ST8SIA1: variants seen among roughly 807,000 people sequenced by gnomAD.
ST8SIA1 encodes the protein alpha-N-acetylneuraminide alpha-2,8-sialyltransferase.
ST8SIA1 carries 16 observed loss-of-function variants against 35.9 expected under a neutral mutation model. The observed-to-expected ratio is 0.45, with a 90% CI of 0.30 to 0.68. The LOEUF is 0.68. Among genes scored for constraint, ST8SIA1 ranks in the 30% least tolerant of loss-of-function variants. ST8SIA1 has a pLI of 0.09. For missense variants in ST8SIA1, 383 were observed against 453.6 expected (o/e 0.84, Z 1.41); for synonymous variants, 170 against 169.6 (o/e 1.00, Z -0.02).
At chr12:22,217,524 C>G (rs1020110219) in intron 4 of ST8SIA1, among the ~76,000 whole-genome samples, 1 of 152,096 alleles carries the variant, frequency 6.6e-6, no homozygotes, top group Non-Finnish European at 1.5e-5. Flanking sequence ...TTTTGAGAAG[C>G]CTGTATGTCC....
chr12:22,330,007 T>C (rs1266142863), intron 1 of ST8SIA1, among the ~76,000 whole-genome samples: 2 of 152,216 alleles, frequency 1.3e-5, no homozygotes, highest in Admixed American at 1.3e-4. Flanking sequence ...GGCTTCGTCC[T>C]ACCACCCAGC....
chr12:22,263,354 T>C (rs1048978477), intron 2 of ST8SIA1, among the ~76,000 whole-genome samples: 2 of 152,214 alleles, frequency 1.3e-5, no homozygotes, highest in African/African-American at 2.4e-5. Flanking sequence ...ACTTTGCTTG[T>C]GATCATTCTT....
At chr12:22,242,738 A>G (rs1340965779) in intron 4 of ST8SIA1, among the ~76,000 whole-genome samples, 1 of 152,200 alleles carries the variant, frequency 6.6e-6, no homozygotes, top group Non-Finnish European at 1.5e-5. Flanking sequence ...AAGGGTAATG[A>G]TATGTATGAA....
In ST8SIA1 at chr12:22,198,886, C is replaced by A. The variant is rs1441712695; in HGVS notation, c.*2666G>T. On this transcript the variant is annotated 3_prime_UTR_variant, in exon 5 of 5. Transcript: ENST00000396037. ...ACCTCTACTAAGTACATGCTATTAGCACCCTTGAGTCATGAAAATAAAAAA... is the reference window on the plus strand; with the variant it reads ...ACCTCTACTAAGTACATGCTATTAGAACCCTTGAGTCATGAAAATAAAAAA... The A allele has an allele frequency of 1.3e-5, 2 of 152,112 alleles. No individual in the cohort carries two copies. Among genetic ancestry groups the A allele is most frequent in the Non-Finnish European group, 2.9e-5 (2 of 68,034 alleles). 9.4% of individuals were successfully genotyped at this position (152,112 alleles called of 1,614,324 possible).
intron 4 of ST8SIA1, among the ~76,000 whole-genome samples, chr12:22,237,367 G>A (rs1459070623): frequency 6.6e-6 from 1 of 152,096 alleles, no homozygotes; most frequent in Non-Finnish European, 1.5e-5. Context: ...ACCTCCCAAA[G>A]AGCTGGGATT....
At chr12:22,248,807 T>A in intron 4 of ST8SIA1, 199 bp downstream of exon 4, 1 of 508,554 alleles carries the variant, frequency 2.0e-6, no homozygotes, top group East Asian at 3.1e-5. Context: ...AGAAACAGAA[T>A]CCCAGAGGAA....
At chr12:22,203,783 G>A (rs1038491357) in intron 4 of ST8SIA1, among the ~76,000 whole-genome samples, 1 of 152,174 alleles carries the variant, frequency 6.6e-6, no homozygotes, top group Non-Finnish European at 1.5e-5. Context: ...CTTCTAATAT[G>A]GGTGGCACTA....
At chr12:22,286,879 A>G (rs1253193313) in intron 2 of ST8SIA1, among the ~76,000 whole-genome samples, 1 of 152,162 alleles carries the variant, frequency 6.6e-6, no homozygotes, top group Non-Finnish European at 1.5e-5. Context: ...CAAGTCCCTG[A>G]TCATTCATTT....
At chr12:22,302,046 C>T (rs901207912) in intron 1 of ST8SIA1, among the ~76,000 whole-genome samples, 1 of 152,106 alleles carries the variant, frequency 6.6e-6, no homozygotes, top group Non-Finnish European at 1.5e-5. Context: ...TCAGTCCTAC[C>T]ATGATTTGTC....
At chr12:22,247,446 T>A (rs564378362) in intron 4 of ST8SIA1, among the ~76,000 whole-genome samples, 1 of 152,040 alleles carries the variant, frequency 6.6e-6, no homozygotes, top group South Asian at 2.1e-4. Context: ...TAAAAATAAA[T>A]TGTTTTAATA....
intron 4 of ST8SIA1, among the ~76,000 whole-genome samples, chr12:22,229,615 CAAA>C (rs11290260): frequency 9.1e-4 from 85 of 93,736 alleles, no homozygotes; most frequent in African/African-American, 2.1e-3. Context: ...GACCGGGTTT[CAAA>C]AAAAAAAAAA....
intron 1 of ST8SIA1, among the ~76,000 whole-genome samples, chr12:22,321,142 G>C (rs1406350256): frequency 3.3e-5 from 5 of 152,226 alleles, no homozygotes; most frequent in East Asian, 1.9e-4. Flanking sequence ...TGCACTCCTG[G>C]ATGTTTTCTC....
At chr12:22,253,842 GA>G (rs200212766) in intron 3 of ST8SIA1, among the ~76,000 whole-genome samples, 5 of 151,300 alleles carry the variant, frequency 3.3e-5, no homozygotes, top group East Asian at 3.9e-4. Flanking sequence ...CACCAAGTGA[GA>G]AAAAAAAATG....
intron 4 of ST8SIA1, among the ~76,000 whole-genome samples, chr12:22,206,249 C>CA (rs1453839565): frequency 5.3e-5 from 8 of 151,988 alleles, no homozygotes; most frequent in African/African-American, 1.9e-4. Flanking sequence ...TAGGTTACCT[C>CA]AAAAAAACAG....
chr12:22,205,062 GGT>G (rs1336698321), intron 4 of ST8SIA1, among the ~76,000 whole-genome samples: 1 of 151,992 alleles, frequency 6.6e-6, no homozygotes, highest in Non-Finnish European at 1.5e-5. Context: ...TCATTGCCCT[GGT>G]GAAGTTGTGC....
At chr12:22,295,513 G>A (rs1316994224) in intron 1 of ST8SIA1, among the ~76,000 whole-genome samples, 2 of 152,144 alleles carry the variant, frequency 1.3e-5, no homozygotes, top group Non-Finnish European at 2.9e-5. Context: ...CGGGAAGACA[G>A]CTTGAGCCCA....
At chr12:22,249,220 GTTTTT>G (rs878946392) in intron 3 of ST8SIA1, 122 bp from the exon 4 acceptor site, 8 of 440,290 alleles carry the variant, frequency 1.8e-5, no homozygotes, top group African/African-American at 2.3e-5. Flanking sequence ...TTTGTTTTTT[GTTTTT>G]TTTTTTTTTT....
intron 2 of ST8SIA1, among the ~76,000 whole-genome samples, chr12:22,279,752 C>G (rs922663667): frequency 3.9e-5 from 6 of 152,176 alleles, no homozygotes; most frequent in African/African-American, 1.4e-4. Flanking sequence ...CTTTTAGCCC[C>G]CAAAGCTATG....
At chr12:22,287,760 T>C (rs982669811) in intron 1 of ST8SIA1, among the ~76,000 whole-genome samples, 1 of 152,136 alleles carries the variant, frequency 6.6e-6, no homozygotes, top group Non-Finnish European at 1.5e-5. Flanking sequence ...GGCAAGGGAA[T>C]ACACAGAGTG....
Sources: gnomAD v4.1 joint callset for allele counts (sites outside exome capture counted in the v4.1 genomes callset) on GRCh38, gnomAD v4.1.1 for gene constraint, MANE v1.5 for transcripts, NCBI Gene and HGNC (gene_info 2026-07-23, HGNC 2026-07-21) for gene names.